The following ZNF213 variants were observed in gnomAD, a reference collection of about 807,000 sequenced individuals.
The protein encoded by ZNF213 is zinc finger protein 213.
ZNF213 carries 32 observed loss-of-function variants against 46.0 expected under a neutral mutation model. That is an observed-to-expected ratio of 0.70 (90% confidence interval 0.52 to 0.93). ZNF213 has a LOEUF of 0.93. Among genes scored for constraint, ZNF213 ranks in the 40% least tolerant of loss-of-function variants. The pLI, the probability that ZNF213 is intolerant of heterozygous loss-of-function variation, is 0.00. For synonymous variants in ZNF213, 297 were observed against 271.0 expected (o/e 1.10, Z -0.94); for missense variants, 639 against 652.8 (o/e 0.98, Z 0.23).
In ZNF213 at chr16:3,140,931, T is replaced by C; in HGVS notation, c.964T>C (p.Cys322Arg). 1.3e-6 allele frequency: 2 copies of C among 1,597,998 alleles called. No homozygotes were observed. Among genetic ancestry groups the C allele is most frequent in the Non-Finnish European group, 1.7e-6 (2 of 1,175,518 alleles). ...CGAGAAGCCGCACAGCTGCGGGCAG[T>C]GTGGAAAGCGCTTCCGCTGGGGCTC... The part of the protein sequence containing the change: ...AAEKPHSCGQ[C>R]GKRFRWGSDL... The change falls in exon 6 of 6, where the codon TGT becomes CGT. Residue 322 changes from cysteine to arginine, a missense_variant. Coordinates refer to ENST00000396878, the MANE Select transcript of ZNF213 (RefSeq NM_004220.3).
In ZNF213 at chr16:3,138,764, T is replaced by C; in HGVS notation, c.543T>C (p.Leu181=). The change falls in exon 4 of 6, where the codon CTT becomes CTC. Residue 181 remains leucine (L), a synonymous_variant. Transcript: ENST00000396878. The part of the protein sequence containing the change: ...HSHSAQPPAL[L]KEGRPGETTD... The stretch of plus-strand genomic sequence containing the variant: ...CTTCAGCCCAGCCTCCTGCTCTTCT[T>C]AAAGAGGGTCGTCCCGGAGAGACGA... 1 of 1,614,120 alleles carries C rather than the reference T, an allele frequency of 6.2e-7. No individual in the cohort carries two copies. The highest frequency in any genetic ancestry group is 8.5e-7 in the Non-Finnish European group (1 of 1,179,988).
At position 3,137,285 on chromosome 16, in the gene ZNF213, C is replaced by A; in HGVS notation, c.5C>A (p.Ala2Glu). ...CCTGAGCCTCAGGCCAGGGGAATGG[C>A]AGCCCCCTTGGAGGCCCAGGACCAG... Reference protein sequence around the residue: MAAPLEAQDQAP... With the variant: MEAPLEAQDQAP... Residue 2 changes from alanine to glutamate, a missense_variant, in exon 2 of 6, where the codon GCA (alanine) becomes GAA (glutamate). Physicochemically the swap from Ala to Glu is moderately radical, Grantham distance 107 (BLOSUM62 -1). Transcript: ENST00000396878. The A allele has an allele frequency of 6.3e-7, 1 of 1,590,736 alleles. No homozygotes were observed. The highest frequency in any genetic ancestry group is 8.6e-7 in the Non-Finnish European group (1 of 1,166,886).
intron 2 of ZNF213, 26 bp downstream of exon 2, chr16:3,137,705 G>C: frequency 6.2e-7 from 1 of 1,608,526 alleles, no homozygotes; most frequent in East Asian, 2.2e-5. Flanking sequence ...ACATCCAGGG[G>C]CACCTGGATG....
chr16:3,138,481 C>T lies in ZNF213; in HGVS notation c.463C>T (p.Pro155Ser). 1 of 1,613,472 alleles carries T rather than the reference C, an allele frequency of 6.2e-7. No individual in the cohort carries two copies. The highest frequency in any genetic ancestry group is 8.5e-7 in the Non-Finnish European group (1 of 1,179,764). ...CCGGGGATCCCAGGCCACGGGGCCT[C>T]CCCCGACGGTGGGGGCACGGAGGCG... ...AGRGSQATGPPPTVGARRRPS... is the reference protein window; with the variant it reads ...AGRGSQATGPSPTVGARRRPS... The change falls in exon 3 of 6, where the codon CCC becomes TCC. Residue 155 changes from proline (P) to serine (S), a missense_variant. Transcript: ENST00000396878.
chr16:3,141,388 G>T lies in ZNF213; in HGVS notation c.*41G>T, dbSNP rs767540892. 8 of 1,514,404 alleles carry T rather than the reference G, an allele frequency of 5.3e-6. No individual in the cohort carries two copies. The African/African-American group carries it at 5.5e-5, about 10-fold the overall frequency. The allele number at this position is 1,514,404 out of a possible 1,614,324, so 93.8% of individuals were successfully genotyped here. Reference sequence around the variant, plus strand: ...GGAAACCCGGGGGAGGCCCAGCCACGGCACATCCTGCTTTGTTCACCACTG... The same window carrying T: ...GGAAACCCGGGGGAGGCCCAGCCACTGCACATCCTGCTTTGTTCACCACTG... On this transcript the variant is annotated 3_prime_UTR_variant, in exon 6 of 6. Transcript: ENST00000396878.
intron 1 of ZNF213, among the ~76,000 whole-genome samples, chr16:3,136,834 C>G (rs560457465): frequency 6.6e-6 from 1 of 152,056 alleles, no homozygotes. Flanking sequence ...ATTAATATTT[C>G]CACCATAATT....
At chr16:3,135,726 G>A (rs575238516) in intron 1 of ZNF213, among the ~76,000 whole-genome samples, 1 of 152,084 alleles carries the variant, frequency 6.6e-6, no homozygotes, top group Non-Finnish European at 1.5e-5. Context: ...TAAGTCGGGG[G>A]GTACAATGGT....
rs1182716688 is a variant in ZNF213, at chr16:3,140,824, C to T, written c.857C>T (p.Pro286Leu). 3 of 1,592,286 alleles carry T rather than the reference C, an allele frequency of 1.9e-6. No homozygotes were observed. The highest frequency in any genetic ancestry group is 1.7e-6 in the Non-Finnish European group (2 of 1,172,510). ...GAGGCCTGGGAGAGCGAGAACCGGC[C>T]GAGGGCGGCCCTGGGCCCAGTGGTG... ...EAEAWESENR[P>L]RAALGPVVGA... Residue 286 changes from proline (P) to leucine (L), a missense_variant, in exon 6 of 6, where the codon CCG (proline) becomes CTG (leucine). By Grantham distance (98) the Pro-to-Leu change is moderately conservative. Coordinates refer to ENST00000396878, the MANE Select transcript of ZNF213 (RefSeq NM_004220.3).
At chr16:3,139,939 C>T (rs1387109006) in intron 5 of ZNF213, 3 of 152,028 alleles carry the variant, frequency 2.0e-5, no homozygotes. Flanking sequence ...GACGAGTTTT[C>T]ACCATGTTGG....
At position 3,140,957 on chromosome 16, in the gene ZNF213, G is replaced by A. The variant is rs1331062393; in HGVS notation, c.990G>A (p.Ser330=). 1 of 1,604,938 alleles carries A rather than the reference G, an allele frequency of 6.2e-7. No individual in the cohort carries two copies. Among genetic ancestry groups the A allele is most frequent in the Non-Finnish European group, 8.5e-7 (1 of 1,177,974 alleles). ...GQCGKRFRWG[S]DLARHQRTHT... is the part of the protein sequence containing the mutation. ...GTGGAAAGCGCTTCCGCTGGGGCTCGGACCTGGCGCGGCACCAGCGCACGC... is the reference window on the plus strand; with the variant it reads ...GTGGAAAGCGCTTCCGCTGGGGCTCAGACCTGGCGCGGCACCAGCGCACGC... The change falls in exon 6 of 6, where the codon TCG becomes TCA. Residue 330 remains serine, a synonymous_variant. Transcript: ENST00000396878.
Position 3,137,516 on chromosome 16 carries a change from G to T in ZNF213, c.236G>T (p.Arg79Leu). ...LCCRWLRPEL[R>L]TKEQILELLV... Reference sequence around the variant, plus strand: ...TGCCGCTGGCTGCGGCCCGAGCTGCGTACCAAGGAGCAGATCCTGGAGCTG... The same window carrying T: ...TGCCGCTGGCTGCGGCCCGAGCTGCTTACCAAGGAGCAGATCCTGGAGCTG... Residue 79 changes from arginine (R) to leucine (L), a missense_variant, in exon 2 of 6, where the codon CGT becomes CTT. Coordinates refer to ENST00000396878, the MANE Select transcript of ZNF213 (RefSeq NM_004220.3). 6.2e-7 allele frequency: 1 copy of T among 1,613,994 alleles called. No homozygotes were observed. The highest frequency in any genetic ancestry group is 8.5e-7 in the Non-Finnish European group (1 of 1,180,044).
At chr16:3,135,755 T>C (rs1168535485) in intron 1 of ZNF213, among the ~76,000 whole-genome samples, 1 of 152,194 alleles carries the variant, frequency 6.6e-6, no homozygotes, top group Non-Finnish European at 1.5e-5. Flanking sequence ...AGGGAGAGTT[T>C]TACAGATTTC....
Position 3,137,404 on chromosome 16 carries a change from G to C in ZNF213, c.124G>C (p.Glu42Gln), listed in dbSNP as rs748030675. 1 of 1,613,952 alleles carries C rather than the reference G, an allele frequency of 6.2e-7. No individual in the cohort carries two copies. The change falls in exon 2 of 6, where the codon GAA becomes CAA. Residue 42 changes from glutamate (E) to glutamine (Q), a missense_variant. Physicochemically the swap from Glu to Gln is conservative, Grantham distance 29 (BLOSUM62 2). Transcript: ENST00000396878. ...CCAGCATGAGGATGGCAGGGATTCC[G>C]AAGCCTGCCGCCAGCGCTTCCGGCA... ...SAQHEDGRDS[E>Q]ACRQRFRQFC...
rs1397947998 is a variant in ZNF213 at position 3,142,238 on chromosome 16, C to A, written c.*891C>A. On this transcript the variant is annotated 3_prime_UTR_variant, in exon 6 of 6. Coordinates refer to ENST00000396878, the MANE Select transcript of ZNF213 (RefSeq NM_004220.3). ...GCCCTGCTCCATCGGCACTAATGCTCCACTCGGCGCCCCACTCCATCGGCC... is the reference window on the plus strand; with the variant it reads ...GCCCTGCTCCATCGGCACTAATGCTACACTCGGCGCCCCACTCCATCGGCC... The A allele has an allele frequency of 6.6e-5, 9 of 136,910 alleles. No individual in the cohort carries two copies. Among genetic ancestry groups the A allele is most frequent in the Non-Finnish European group, 8.1e-5 (5 of 61,796 alleles). The allele number at this position is 136,910 out of a possible 1,614,324, so 8.5% of individuals were successfully genotyped here. A position where few individuals can be genotyped will look rare whatever the true frequency, so the allele number is the denominator to read the frequency against.
intron 2 of ZNF213, chr16:3,138,197 AG>A: frequency 1.2e-6 from 1 of 869,024 alleles, no homozygotes; most frequent in Non-Finnish European, 1.7e-6. Flanking sequence ...CTGGCCTTTC[AG>A]GGCTGGTTCT....
rs1320643396 is a variant in ZNF213 at position 3,137,381 on chromosome 16, A to T, written c.101A>T (p.Gln34Leu). The T allele has an allele frequency of 6.2e-7, 1 of 1,614,030 alleles. No individual in the cohort carries two copies. Among genetic ancestry groups the T allele is most frequent in the South Asian group, 1.1e-5 (1 of 91,084 alleles). Residue 34 changes from glutamine (Q) to leucine (L), a missense_variant, in exon 2 of 6, where the codon CAG becomes CTG. Coordinates refer to ENST00000396878, the MANE Select transcript of ZNF213 (RefSeq NM_004220.3). ...EDSSWEQESAQHEDGRDSEAC... is the reference protein window; with the variant it reads ...EDSSWEQESALHEDGRDSEAC... Reference sequence around the variant, plus strand: ...TCCTCCTGGGAACAGGAATCTGCCCAGCATGAGGATGGCAGGGATTCCGAA... The same window carrying T: ...TCCTCCTGGGAACAGGAATCTGCCCTGCATGAGGATGGCAGGGATTCCGAA...
intron 1 of ZNF213, among the ~76,000 whole-genome samples, chr16:3,135,842 C>CTTTTTTTT (rs58418648): frequency 2.3e-5 from 3 of 132,280 alleles, no homozygotes; most frequent in East Asian, 2.2e-4. Context: ...TCTTTTCTTT[C>CTTTTTTTT]TTTTTTTTTT....
chr16:3,136,640 C>G (rs1398673968), intron 1 of ZNF213, among the ~76,000 whole-genome samples: 1 of 151,802 alleles, frequency 6.6e-6, no homozygotes, highest in African/African-American at 2.4e-5. Flanking sequence ...TCGCTTGAAC[C>G]TGGCAGGCAG....
intron 1 of ZNF213, among the ~76,000 whole-genome samples, chr16:3,135,770 T>G (rs1310241228): frequency 6.6e-6 from 1 of 152,156 alleles, no homozygotes; most frequent in Non-Finnish European, 1.5e-5. Context: ...GATTTCTATA[T>G]TGTTTGAATC....
Sources: allele counts gnomAD v4.1 joint callset (sites outside exome capture counted in the v4.1 genomes callset), GRCh38; gene constraint gnomAD v4.1.1; transcripts MANE v1.5; gene names NCBI Gene and HGNC (gene_info 2026-07-23, HGNC 2026-07-21).